Variants in DENND4C observed in about 807,000 individuals in gnomAD.
DENND4C encodes the protein DENN domain containing 4C.
A neutral mutation model predicts 203.0 loss-of-function variants in DENND4C; 108 were observed. That is an observed-to-expected ratio of 0.53 (90% CI 0.46 to 0.62). The LOEUF (loss-of-function observed/expected upper bound fraction) is 0.62, where lower values mean the gene tolerates loss of function less well. DENND4C is among the 20% of genes least tolerant of loss of function. DENND4C has a pLI of 0.00. For missense variants in DENND4C, 2,481 were observed against 2,301.2 expected, an observed-to-expected ratio of 1.08 and a Z score of -1.60; for synonymous variants, 871 against 792.4, an observed-to-expected ratio of 1.10 and a Z score of -1.67.
At chr9:19,260,791 T>C (rs1829165238) in intron 1 of DENND4C, among the ~76,000 whole-genome samples, 1 of 152,250 alleles carries the variant, frequency 6.6e-6, no homozygotes, top group South Asian at 2.1e-4. Context: ...TTGTTTCCTT[T>C]GCTGTGCAGA....
In DENND4C at chr9:19,352,543, T is replaced by TTAA; in HGVS notation, c.4659_4660insTAA (p.Asp1553_Glu1554insTer). On this transcript the variant is annotated stop_gained and inframe_insertion, in exon 26 of 33. Coordinates refer to ENST00000434457, the MANE Select transcript of DENND4C (RefSeq NM_001330640.2). LOFTEE classifies it high-confidence loss of function. ...GAGCTTGTGGAGCTTTAGTTTATGA[T>TTAA]GAAGAAATTATGGCTGGATGGACAG... The TTAA allele has an allele frequency of 6.3e-7, 1 of 1,591,870 alleles. No homozygotes were observed.
At chr9:19,340,027 G>C (rs1018805620) in intron 20 of DENND4C, among the ~76,000 whole-genome samples, 1 of 152,034 alleles carries the variant, frequency 6.6e-6, no homozygotes, top group African/African-American at 2.4e-5. Flanking sequence ...ATGTTTCTGA[G>C]CACTACCTTT....
At chr9:19,266,169 C>G (rs1230233310) in intron 1 of DENND4C, among the ~76,000 whole-genome samples, 1 of 152,128 alleles carries the variant, frequency 6.6e-6, no homozygotes, top group Non-Finnish European at 1.5e-5. Flanking sequence ...GAGATGGTAT[C>G]CCATTGTGGT....
chr9:19,260,917 GA>G (rs1480264680), intron 1 of DENND4C, among the ~76,000 whole-genome samples: 1 of 152,034 alleles, frequency 6.6e-6, no homozygotes, highest in Non-Finnish European at 1.5e-5. Flanking sequence ...GTCTCAAAAA[GA>G]AAAAAGAAAG....
chr9:19,324,166 AT>A (rs969457186), intron 12 of DENND4C, among the ~76,000 whole-genome samples, 195 bp from the exon 13 acceptor site: 1 of 152,074 alleles, frequency 6.6e-6, no homozygotes, highest in African/African-American at 2.4e-5. Flanking sequence ...AAAAAAAAAA[AT>A]CCGAAATCTG....
chr9:19,274,562 T>C (rs1270948142), intron 1 of DENND4C, among the ~76,000 whole-genome samples: 1 of 152,196 alleles, frequency 6.6e-6, no homozygotes, highest in African/African-American at 2.4e-5. Context: ...TCCAAAGTGC[T>C]GGGATTACAG....
At chr9:19,269,829 C>G (rs1350041943) in intron 1 of DENND4C, among the ~76,000 whole-genome samples, 1 of 152,106 alleles carries the variant, frequency 6.6e-6, no homozygotes. Context: ...TTGTTGATGT[C>G]TGGGCATTGA....
intron 30 of DENND4C, among the ~76,000 whole-genome samples, chr9:19,364,873 C>T (rs182128102): frequency 3.4e-4 from 51 of 150,720 alleles, no homozygotes; most frequent in African/African-American, 3.4e-4. Context: ...CCAGCCTGGG[C>T]GACAGAGTGA....
rs562680982 is a variant in DENND4C at position 19,338,914 on chromosome 9, A to G, written c.2882-2078A>G. 5.3e-5 allele frequency among the ~76,000 whole-genome samples: 8 copies of G among 152,282 alleles called. No homozygotes were observed. In the South Asian group the frequency reaches 1.7e-3, roughly 32 times the overall value. ...GCATATGTTATTTTATGTGTCTTTTATTGACATCTTTATACTGTTTTCTCT... is the reference window on the plus strand; with the variant it reads ...GCATATGTTATTTTATGTGTCTTTTGTTGACATCTTTATACTGTTTTCTCT... On this transcript the variant is annotated intron_variant, in intron 20 of 32. Transcript: ENST00000434457.
chr9:19,345,953 G>T lies in DENND4C; in HGVS notation c.3184G>T (p.Asp1062Tyr), dbSNP rs558217052. Reference protein sequence around the residue: ...SISNVLFSTQDPVEDAVFGEA... With the variant: ...SISNVLFSTQYPVEDAVFGEA... ...ATCAAATGTGCTGTTTTCTACTCAA[G>T]ATCCAGTTGAAGATGCAGTCTTTGG... The change falls in exon 23 of 33, where the codon GAT (aspartate) becomes TAT (tyrosine). Residue 1062 changes from aspartate (D) to tyrosine (Y), a missense_variant. Transcript: ENST00000434457. 6.2e-7 allele frequency: 1 copy of T among 1,613,590 alleles called. No individual in the cohort carries two copies. Among genetic ancestry groups the T allele is most frequent in the East Asian group, 2.2e-5 (1 of 44,872 alleles).
At chr9:19,355,512 G>C (rs1825198933) in intron 26 of DENND4C, among the ~76,000 whole-genome samples, 1 of 152,120 alleles carries the variant, frequency 6.6e-6, no homozygotes, top group Non-Finnish European at 1.5e-5. Flanking sequence ...TAACAATCCA[G>C]TTATCCCAAT....
intron 30 of DENND4C, among the ~76,000 whole-genome samples, chr9:19,362,718 A>G (rs1327870743): frequency 6.6e-6 from 1 of 152,186 alleles, no homozygotes. Flanking sequence ...AGAGTAATTT[A>G]GATGTGTTGG....
At chr9:19,231,932 A>C (rs1820672257) in intron 1 of DENND4C, among the ~76,000 whole-genome samples, 1 of 152,116 alleles carries the variant, frequency 6.6e-6, no homozygotes, top group African/African-American at 2.4e-5. Flanking sequence ...CGTTAGTGCT[A>C]AGGCGCTAAG....
chr9:19,341,227 G>T (rs1821556040), intron 21 of DENND4C, 113 bp downstream of exon 21: 1 of 877,714 alleles, frequency 1.1e-6, no homozygotes, highest in Non-Finnish European at 1.6e-6. Context: ...GTAAGGTCTG[G>T]CTCCTAAGAT....
In DENND4C at chr9:19,358,180, T is replaced by G; in HGVS notation, c.5160+20T>G. ...GTTGTGGTATGTAACAACAACAACA[T>G]TGTAATTATACTGCATACACACCTA... On this transcript the variant is annotated intron_variant, in intron 28 of 32. Coordinates refer to ENST00000434457, the MANE Select transcript of DENND4C (RefSeq NM_001330640.2). The surrounding 1 kb of genome is among the most constrained non-coding windows in gnomAD (Gnocchi z 4.8). The G allele has an allele frequency of 6.3e-7, 1 of 1,598,510 alleles. No homozygotes were observed. Among genetic ancestry groups the G allele is most frequent in the Non-Finnish European group, 8.6e-7 (1 of 1,167,262 alleles).
At chr9:19,273,329 A>C (rs1832163100) in intron 1 of DENND4C, among the ~76,000 whole-genome samples, 1 of 151,826 alleles carries the variant, frequency 6.6e-6, no homozygotes, top group African/African-American at 2.4e-5. Flanking sequence ...CAGGTGATCC[A>C]CCCACCTTGG....
At chr9:19,316,284 A>G (rs1481074233) in intron 10 of DENND4C, 133 bp from the exon 11 acceptor site, 2 of 637,572 alleles carry the variant, frequency 3.1e-6, no homozygotes, top group African/African-American at 1.9e-5. Flanking sequence ...CACTTATTCA[A>G]ATTGTTTGCA....
chr9:19,284,544 A>G (rs1054316524), intron 2 of DENND4C, among the ~76,000 whole-genome samples: 3 of 152,108 alleles, frequency 2.0e-5, no homozygotes, highest in South Asian at 2.1e-4. Flanking sequence ...ATTTTTCTCT[A>G]TAGTGTTTGT....
intron 16 of DENND4C, among the ~76,000 whole-genome samples, chr9:19,328,782 C>T (rs1818440030): frequency 6.6e-6 from 1 of 151,984 alleles, no homozygotes. Flanking sequence ...GGCGCAGTGG[C>T]TCACCCCTGT....
Sources: gnomAD v4.1 joint callset for allele counts (sites outside exome capture counted in the v4.1 genomes callset) on GRCh38, gnomAD v4.1.1 for gene constraint, Gnocchi (gnomAD v3.1) non-coding constraint, MANE v1.5 for transcripts, NCBI Gene and HGNC (gene_info 2026-07-23, HGNC 2026-07-21) for gene names.